NPAT: variants seen among roughly 807,000 people sequenced by gnomAD.
NPAT encodes the protein nuclear protein, coactivator of histone transcription, also known as protein NPAT.
A neutral mutation model predicts 130.7 loss-of-function variants in NPAT; 52 were observed. That is an observed-to-expected ratio of 0.40 (90% CI 0.32 to 0.50). The LOEUF is 0.50. Ranked by LOEUF, NPAT falls within the 20% of genes least tolerant of loss-of-function variation. NPAT has a pLI of 0.68. For synonymous variants in NPAT, 580 were observed against 584.8 expected (o/e 0.99, Z 0.12); for missense variants, 1,687 against 1,662.6 (o/e 1.01, Z -0.26).
rs112624600 is a variant in NPAT, at chr11:108,209,288, A to G, written c.38-11868T>C. 7.8e-3 allele frequency among the ~76,000 whole-genome samples: 1,179 copies of G among 151,924 alleles called. 9 individuals carry two copies. The highest frequency in any genetic ancestry group is 0.024 in the African/African-American group (1,008 of 41,414). On this transcript the variant is annotated intron_variant, in intron 1 of 17. Transcript: ENST00000278612. The stretch of plus-strand genomic sequence containing the variant: ...GGGCAAGACTCCATGTCAAAAATAA[A>G]TAACTAAATAAAATAAATAAATAAA...
Position 108,195,192 on chromosome 11 carries a change from T to C in NPAT, c.157-1175A>G, listed in dbSNP as rs542894665. On this transcript the variant is annotated intron_variant, in intron 2 of 17. Transcript: ENST00000278612. ...TTTTCTGTGAGAACAAGTTTTCCAATTGATTTGGGTAATGTGAGTGTTGGT... is the reference window on the plus strand; with the variant it reads ...TTTTCTGTGAGAACAAGTTTTCCAACTGATTTGGGTAATGTGAGTGTTGGT... 2.6e-5 allele frequency among the ~76,000 whole-genome samples: 4 copies of C among 152,314 alleles called. No individual in the cohort carries two copies. In the South Asian group the frequency reaches 8.3e-4, roughly 32 times the overall value.
chr11:108,188,021 T>C (rs1404618758), intron 7 of NPAT, 77 bp downstream of exon 7: 3 of 991,314 alleles, frequency 3.0e-6, no homozygotes, highest in South Asian at 1.3e-5. Context: ...TTATTCACAA[T>C]GTAAGTATCC....
chr11:108,215,216 C>A (rs2078421997), intron 1 of NPAT, among the ~76,000 whole-genome samples: 1 of 152,142 alleles, frequency 6.6e-6, no homozygotes, highest in Non-Finnish European at 1.5e-5. Flanking sequence ...TTACTTAATA[C>A]TTATAAGTAT....
intron 10 of NPAT, among the ~76,000 whole-genome samples, chr11:108,180,368 A>G (rs2078048053): frequency 6.6e-6 from 1 of 152,186 alleles, no homozygotes; most frequent in Non-Finnish European, 1.5e-5. Flanking sequence ...AATTCCTATA[A>G]CTCAACAACA....
chr11:108,217,554 T>G (rs1472250231), intron 1 of NPAT, among the ~76,000 whole-genome samples: 1 of 152,194 alleles, frequency 6.6e-6, no homozygotes, highest in Admixed American at 6.5e-5. Flanking sequence ...CCTTACTATA[T>G]ATATATGATT....
Position 108,161,258 on chromosome 11 carries a change from C to G in NPAT, c.3828G>C (p.Gly1276=). The change falls in exon 17 of 18, where the codon GGG becomes GGC. Residue 1276 remains glycine, a synonymous_variant. Transcript: ENST00000278612. ...PVPRTPGSGA[G]EKHKEEPIDI... is the part of the protein sequence containing the mutation. ...CTATAGGTTCTTCTTTATGTTTTTC[C>G]CCTGCCCCTGAGCCAGGTGTCCGGG... is the stretch of plus-strand genomic sequence containing the variant. 6.2e-7 allele frequency: 1 copy of G among 1,614,096 alleles called. No individual in the cohort carries two copies. Among genetic ancestry groups the G allele is most frequent in the Non-Finnish European group, 8.5e-7 (1 of 1,180,030 alleles).
chr11:108,189,934 A>G (rs892180338), intron 5 of NPAT, among the ~76,000 whole-genome samples: 1 of 152,036 alleles, frequency 6.6e-6, no homozygotes, highest in Non-Finnish European at 1.5e-5. Flanking sequence ...AACATTCTAC[A>G]TGAGTCAATG....
chr11:108,209,596 A>G (rs910141222), intron 1 of NPAT, among the ~76,000 whole-genome samples: 3 of 151,980 alleles, frequency 2.0e-5, no homozygotes, highest in Non-Finnish European at 2.9e-5. Flanking sequence ...TTTAAAATCA[A>G]TTACCACATT....
At chr11:108,179,919 TA>T (rs1284639478) in intron 10 of NPAT, among the ~76,000 whole-genome samples, 3 of 152,228 alleles carry the variant, frequency 2.0e-5, no homozygotes, top group Non-Finnish European at 2.9e-5. Flanking sequence ...CAAATAGGAC[TA>T]CATCCAATGT....
intron 5 of NPAT, among the ~76,000 whole-genome samples, chr11:108,189,881 A>C (rs922761097): frequency 2.0e-5 from 3 of 151,544 alleles, no homozygotes; most frequent in Non-Finnish European, 2.9e-5. Context: ...AAAAAAAAAA[A>C]AAACAAAAAA....
Position 108,222,528 on chromosome 11 carries a change from T to C in NPAT, c.9A>G (p.Leu3=), listed in dbSNP as rs537878674. 12 of 1,613,486 alleles carry C rather than the reference T, an allele frequency of 7.4e-6. No individual in the cohort carries two copies. In the South Asian group the frequency reaches 1.3e-4, roughly 18 times the overall value. Residue 3 remains leucine, a synonymous_variant, in exon 1 of 18, where the codon TTA becomes TTG. Transcript: ENST00000278612. Reference sequence around the variant, plus strand: ...ATACAAGCCGGGCTACGTCCGAGGGTAACAACATGATCAAAACCACAGCAG... The same window carrying C: ...ATACAAGCCGGGCTACGTCCGAGGGCAACAACATGATCAAAACCACAGCAG... The part of the protein sequence containing the change: ML[L]PSDVARLVLG...
rs2077964714 is a variant in NPAT, at chr11:108,172,729, G to A, written c.2255C>T (p.Ser752Leu). The A allele has an allele frequency of 1.2e-6, 2 of 1,613,370 alleles. No individual in the cohort carries two copies. Among genetic ancestry groups the A allele is most frequent in the African/African-American group, 1.3e-5 (1 of 74,912 alleles). Residue 752 changes from serine (S) to leucine (L), a missense_variant, in exon 13 of 18, where the codon TCA becomes TTA. By Grantham distance (145) the Ser-to-Leu change is moderately radical. Around this residue, in one of 3 missense-constraint regions of NPAT, gnomAD observed 1,379 missense variants for 1,346.6 expected, o/e 1.02. Coordinates refer to ENST00000278612, the MANE Select transcript of NPAT (RefSeq NM_002519.3). The stretch of plus-strand genomic sequence containing the variant: ...AACAGCACTGGTAAGTTCAGTATCT[G>A]AGGAAACAAATGGATCATCACTAAT... ...VIISDDPFVS[S>L]DTELTSAVSS...
intron 1 of NPAT, among the ~76,000 whole-genome samples, chr11:108,202,753 CAGAT>C (rs975139328): frequency 3.3e-5 from 5 of 152,156 alleles, no homozygotes; most frequent in African/African-American, 9.7e-5. Flanking sequence ...GGAAGACTGG[CAGAT>C]AGATTTCACC....
At chr11:108,192,570 T>C (rs1285921513) in intron 3 of NPAT, among the ~76,000 whole-genome samples, 2 of 152,264 alleles carry the variant, frequency 1.3e-5, no homozygotes, top group Non-Finnish European at 2.9e-5. Context: ...ATAAAGGTTA[T>C]GCAAATTCCT....
chr11:108,187,096 A>C (rs555252000), intron 7 of NPAT, among the ~76,000 whole-genome samples: 2 of 152,320 alleles, frequency 1.3e-5, no homozygotes, highest in East Asian at 3.9e-4. Flanking sequence ...GGAATGAAAT[A>C]AAGTATATAT....
chr11:108,199,861 C>G (rs2078257883), intron 1 of NPAT, among the ~76,000 whole-genome samples: 1 of 152,208 alleles, frequency 6.6e-6, no homozygotes, highest in African/African-American at 2.4e-5. Context: ...GGGTGTCAGT[C>G]AAGACCTCCA....
intron 1 of NPAT, among the ~76,000 whole-genome samples, chr11:108,221,802 C>T (rs183556377): frequency 8.5e-5 from 13 of 152,274 alleles, no homozygotes; most frequent in East Asian, 1.9e-4. Context: ...ACAGACAATA[C>T]ACCCTGACAG....
intron 13 of NPAT, chr11:108,171,786 C>T (rs142051241): frequency 1.1e-3 from 189 of 179,252 alleles, no homozygotes; most frequent in African/African-American, 4.0e-3. Context: ...CCACCATAAC[C>T]GGCTGAAATT....
At chr11:108,199,921 T>G (rs965759183) in intron 1 of NPAT, among the ~76,000 whole-genome samples, 6 of 152,188 alleles carry the variant, frequency 3.9e-5, no homozygotes, top group Non-Finnish European at 8.8e-5. Flanking sequence ...TATCTCTTCT[T>G]CATACACAAC....
Sources: gnomAD v4.1 joint callset for allele counts (sites outside exome capture counted in the v4.1 genomes callset) on GRCh38, gnomAD v4.1.1 for gene constraint, gnomAD v4.1.1 regional missense constraint, MANE v1.5 for transcripts, NCBI Gene and HGNC (gene_info 2026-07-23, HGNC 2026-07-21) for gene names.